WDR72: variants seen among roughly 807,000 people sequenced by gnomAD.
WDR72 encodes the protein WD repeat-containing protein 72.
In WDR72, 120 loss-of-function variants were observed where a neutral mutation model predicts 124.2. That is an observed-to-expected ratio of 0.97 (90% CI 0.83 to 1.12). WDR72 has a LOEUF of 1.12. WDR72 is among the 50% of genes most tolerant of loss of function. The probability of loss-of-function intolerance (pLI) is 0.00; values close to 1 mark genes in which losing one functional copy is unlikely to be tolerated. For synonymous variants in WDR72, 452 were observed against 441.7 expected, an observed-to-expected ratio of 1.02 and a Z score of -0.29; for missense variants, 1,387 against 1,278.8, an observed-to-expected ratio of 1.08 and a Z score of -1.29.
chr15:53,565,767 TA>T (rs5812691), intron 18 of WDR72, among the ~76,000 whole-genome samples: 423 of 150,132 alleles, frequency 2.8e-3, no homozygotes, highest in African/African-American at 9.3e-3. Context: ...TACGTTGAAT[TA>T]AAAAAAAAAC....
chr15:53,756,461 G>A (rs34324655), intron 1 of WDR72, among the ~76,000 whole-genome samples: 2 of 152,100 alleles, frequency 1.3e-5, no homozygotes, highest in Non-Finnish European at 2.9e-5. Context: ...ACTCACTGCC[G>A]ACTCACAAGC....
chr15:53,731,376 G>A lies in WDR72; in HGVS notation c.153+1621C>T, dbSNP rs7179704. On this transcript the variant is annotated intron_variant, in intron 2 of 19. Transcript: ENST00000360509. ...CTCACCAATCTAATTCCTATTCCCA[G>A]CCCATATCTCTATCCCTGGATTTCT... Among the ~76,000 whole-genome samples the A allele has an allele frequency of 5.7e-4, 86 of 151,824 alleles. 1 individual carries two copies. The highest frequency in any genetic ancestry group is 2.0e-3 in the African/African-American group (81 of 41,384).
At chr15:53,617,021 C>T (rs2013794221) in intron 14 of WDR72, among the ~76,000 whole-genome samples, 1 of 151,906 alleles carries the variant, frequency 6.6e-6, no homozygotes, top group Non-Finnish European at 1.5e-5. Context: ...GCCTACAAAA[C>T]AATGCTTCTA....
At chr15:53,631,239 C>T (rs1441269639) in intron 14 of WDR72, among the ~76,000 whole-genome samples, 3 of 152,070 alleles carry the variant, frequency 2.0e-5, no homozygotes, top group Non-Finnish European at 4.4e-5. Flanking sequence ...GTGGCATTCC[C>T]CCTCCCTCGC....
At chr15:53,620,046 G>A (rs1412088156) in intron 14 of WDR72, among the ~76,000 whole-genome samples, 1 of 151,874 alleles carries the variant, frequency 6.6e-6, no homozygotes, top group Non-Finnish European at 1.5e-5. Flanking sequence ...CTTATTTTAT[G>A]GAAGGCAATT....
chr15:53,532,573 A>G lies in WDR72; in HGVS notation c.3149-9251T>C, dbSNP rs142517313. 4.7e-3 allele frequency among the ~76,000 whole-genome samples: 711 copies of G among 151,864 alleles called. 5 individuals are homozygous for G. Among genetic ancestry groups the G allele is most frequent in the African/African-American group, 0.016 (672 of 41,464 alleles). Reference sequence around the variant, plus strand: ...ACAAATATCACATGTTCTCACTAATATATGACAGCTAAGAAAATATTGAAC... The same window carrying G: ...ACAAATATCACATGTTCTCACTAATGTATGACAGCTAAGAAAATATTGAAC... On this transcript the variant is annotated intron_variant, in intron 18 of 19. Transcript: ENST00000360509.
At chr15:53,653,438 G>A (rs946725225) in intron 14 of WDR72, among the ~76,000 whole-genome samples, 4 of 152,160 alleles carry the variant, frequency 2.6e-5, no homozygotes, top group Admixed American at 6.5e-5. Flanking sequence ...AACTGACATC[G>A]AAGTTAGACT....
upstream of WDR72, among the ~76,000 whole-genome samples, chr15:53,762,006 T>A (rs1293076250): frequency 6.6e-6 from 1 of 151,758 alleles, no homozygotes; most frequent in Admixed American, 6.6e-5. Flanking sequence ...AAATGTGGGG[T>A]GGGGAGACAC....
intron 18 of WDR72, among the ~76,000 whole-genome samples, chr15:53,589,904 A>G (rs1367879656): frequency 6.6e-6 from 1 of 152,076 alleles, no homozygotes; most frequent in Non-Finnish European, 1.5e-5. Context: ...CTTTAAGATG[A>G]TACAGAGAGG....
chr15:53,537,739 A>AT (rs1892837109), intron 18 of WDR72, among the ~76,000 whole-genome samples: 2 of 152,218 alleles, frequency 1.3e-5, no homozygotes, highest in South Asian at 4.1e-4. Context: ...ATAAATGTAA[A>AT]TAAGATGTCC....
intron 14 of WDR72, among the ~76,000 whole-genome samples, chr15:53,649,228 C>T (rs1303296726): frequency 6.6e-6 from 1 of 152,024 alleles, no homozygotes; most frequent in South Asian, 2.1e-4. Context: ...GATGCGTTGG[C>T]TATGGTTGGT....
chr15:53,705,470 A>AT (rs150657778), intron 10 of WDR72, among the ~76,000 whole-genome samples: 4 of 150,550 alleles, frequency 2.7e-5, no homozygotes, highest in Admixed American at 6.6e-5. Context: ...TTAAAAAAAA[A>AT]TTTTTTTTTT....
In WDR72 at chr15:53,706,029, C is replaced by G. The variant is rs2017343643; in HGVS notation, c.1000G>C (p.Glu334Gln). The G allele has an allele frequency of 6.2e-7, 1 of 1,613,930 alleles. No individual in the cohort carries two copies. The highest frequency in any genetic ancestry group is 1.1e-5 in the South Asian group (1 of 91,082). ...GAGAAAAGTACCTTGTAAAAAGGCT[C>G]TTTCCTTTCATTCATGTAGCCCATA... Reference protein sequence around the residue: ...FVMGYMNERKEPFYKVLFSGE... With the variant: ...FVMGYMNERKQPFYKVLFSGE... Residue 334 changes from glutamate to glutamine, a missense_variant, in exon 10 of 20, where the codon GAG becomes CAG. By Grantham distance (29) the Glu-to-Gln change is conservative (BLOSUM62 2). Coordinates refer to ENST00000360509, the MANE Select transcript of WDR72 (RefSeq NM_182758.4).
At chr15:53,698,244 G>A (rs990413796) in intron 13 of WDR72, among the ~76,000 whole-genome samples, 1 of 152,140 alleles carries the variant, frequency 6.6e-6, no homozygotes, top group African/African-American at 2.4e-5. Context: ...GATGGGAAAA[G>A]GGGACCATAA....
At chr15:53,606,201 A>T (rs2013274498) in intron 17 of WDR72, among the ~76,000 whole-genome samples, 1 of 152,160 alleles carries the variant, frequency 6.6e-6, no homozygotes, top group Admixed American at 6.5e-5. Flanking sequence ...ACTATCAAAG[A>T]TCTTCAAGTG....
Position 53,612,636 on chromosome 15 carries a change from G to A in WDR72, c.2872+1030C>T, listed in dbSNP as rs186835750. Reference sequence around the variant, plus strand: ...GCACTAAGAGAGAAGGTTGGATGGGGGTGTATATGTGATGACATAGGTAGA... The same window carrying A: ...GCACTAAGAGAGAAGGTTGGATGGGAGTGTATATGTGATGACATAGGTAGA... On this transcript the variant is annotated intron_variant, in intron 16 of 19. Coordinates refer to ENST00000360509, the MANE Select transcript of WDR72 (RefSeq NM_182758.4). Among the ~76,000 whole-genome samples, 16 of 152,002 alleles carry A rather than the reference G, an allele frequency of 1.1e-4. No individual in the cohort carries two copies. In the East Asian group the frequency reaches 3.1e-3, roughly 30 times the overall value.
intron 3 of WDR72, among the ~76,000 whole-genome samples, chr15:53,719,238 A>G (rs1471077356): frequency 6.6e-6 from 1 of 152,154 alleles, no homozygotes; most frequent in African/African-American, 2.4e-5. Flanking sequence ...TACATTTTTC[A>G]AACTCTTTTC....
At chr15:53,720,378 T>G (rs185756344) in intron 3 of WDR72, among the ~76,000 whole-genome samples, 71 of 152,332 alleles carry the variant, frequency 4.7e-4, no homozygotes, top group Admixed American at 1.8e-3. Flanking sequence ...AATATCATTA[T>G]GTCTTATAAA....
upstream of WDR72, among the ~76,000 whole-genome samples, chr15:53,762,470 G>A (rs116326452): frequency 5.8e-3 from 884 of 152,322 alleles, 7 homozygotes; most frequent in African/African-American, 0.02. Context: ...CACCAAGCAC[G>A]TAGGAGATAC....
Sources: allele counts gnomAD v4.1 joint callset (sites outside exome capture counted in the v4.1 genomes callset), GRCh38; gene constraint gnomAD v4.1.1; transcripts MANE v1.5; gene names NCBI Gene and HGNC (gene_info 2026-07-23, HGNC 2026-07-21).